The following CLSTN2 variants were observed in gnomAD, a reference collection of about 807,000 sequenced individuals.
CLSTN2 encodes the protein calsyntenin-2.
A neutral mutation model predicts 101.2 loss-of-function variants in CLSTN2; 48 were observed. The observed-to-expected ratio is 0.47, with a 90% CI of 0.38 to 0.60. The LOEUF is 0.60. Ranked by LOEUF, CLSTN2 falls within the 20% of genes least tolerant of loss-of-function variation. CLSTN2 has a pLI of 0.00. For synonymous variants in CLSTN2, 481 were observed against 463.6 expected (o/e 1.04, Z -0.48); for missense variants, 1,160 against 1,238.2 (o/e 0.94, Z 0.95).
chr3:140,257,234 A>C (rs1158240773), intron 2 of CLSTN2, among the ~76,000 whole-genome samples: 1 of 152,196 alleles, frequency 6.6e-6, no homozygotes, highest in Non-Finnish European at 1.5e-5. Flanking sequence ...TGCATGCTAC[A>C]TGTGGAAAAG....
intron 16 of CLSTN2, 104 bp downstream of exon 16, chr3:140,564,249 A>T: frequency 9.8e-7 from 1 of 1,017,918 alleles, no homozygotes; most frequent in Admixed American, 2.0e-5. Context: ...TCCTTCTGGA[A>T]GCCCTGCCCC....
chr3:140,558,844 C>A lies in CLSTN2; in HGVS notation c.2028C>A (p.Asp676Glu), dbSNP rs144701273. The A allele has an allele frequency of 5.6e-6, 9 of 1,613,682 alleles. No individual in the cohort carries two copies. Among genetic ancestry groups the A allele is most frequent in the Non-Finnish European group, 6.8e-6 (8 of 1,179,928 alleles). The change falls in exon 12 of 17, where the codon GAC becomes GAA. Residue 676 changes from aspartate to glutamate, a missense_variant. By Grantham distance (45) the Asp-to-Glu change is conservative. Transcript: ENST00000458420. Reference protein sequence around the residue: ...STFAKTEAPGDVKTTDPKSEV... With the variant: ...STFAKTEAPGEVKTTDPKSEV... ...TCGCCAAAACCGAAGCCCCCGGGGA[C>A]GTGAAAACCACAGGTACAGGTGCAT...
Position 140,466,603 on chromosome 3 carries a change from T to C in CLSTN2, c.1223-7T>C. The C allele has an allele frequency of 6.2e-7, 1 of 1,614,146 alleles. No individual in the cohort carries two copies. The highest frequency in any genetic ancestry group is 8.5e-7 in the Non-Finnish European group (1 of 1,179,998). ...CTCACTCTTCAAACCTTCTTTCTGC[T>C]TTTCAGAAATGAACCGGCATCACTA... is the stretch of plus-strand genomic sequence containing the variant. On this transcript the variant is annotated splice_polypyrimidine_tract_variant and splice_region_variant and intron_variant, in intron 7 of 16. Transcript: ENST00000458420.
At chr3:140,363,821 G>A (rs1403735605) in intron 2 of CLSTN2, among the ~76,000 whole-genome samples, 1 of 152,200 alleles carries the variant, frequency 6.6e-6, no homozygotes, top group South Asian at 2.1e-4. Flanking sequence ...GGGATGAATC[G>A]AGGAGGGGGA....
At chr3:140,457,024 G>T (rs1933418693) in intron 6 of CLSTN2, among the ~76,000 whole-genome samples, 1 of 152,038 alleles carries the variant, frequency 6.6e-6, no homozygotes, top group South Asian at 2.1e-4. Flanking sequence ...CTAGTCTAAG[G>T]TATTAATTGA....
intron 12 of CLSTN2, among the ~76,000 whole-genome samples, chr3:140,559,165 GAA>G (rs376876525): frequency 7.5e-6 from 1 of 132,724 alleles, no homozygotes; most frequent in African/African-American, 2.8e-5. Flanking sequence ...AACCATTTAA[GAA>G]AAAAAAAAAA....
chr3:140,262,929 C>T (rs2086666141), intron 2 of CLSTN2, among the ~76,000 whole-genome samples: 1 of 152,016 alleles, frequency 6.6e-6, no homozygotes, highest in Non-Finnish European at 1.5e-5. Context: ...ATGGAGGAAA[C>T]ACAAGGAGGA....
chr3:140,535,671 C>T (rs1935344646), intron 9 of CLSTN2, among the ~76,000 whole-genome samples: 1 of 152,196 alleles, frequency 6.6e-6, no homozygotes, highest in Non-Finnish European at 1.5e-5. Flanking sequence ...GCTGTAATTG[C>T]AAGGAGGCCC....
intron 2 of CLSTN2, among the ~76,000 whole-genome samples, chr3:140,267,648 C>T (rs1457283385): frequency 4.6e-5 from 7 of 152,178 alleles, no homozygotes; most frequent in Admixed American, 2.6e-4. Context: ...CTCTTTCAGA[C>T]ACAAGCCCAG....
intron 1 of CLSTN2, among the ~76,000 whole-genome samples, chr3:140,018,970 T>C (rs1160246460): frequency 1.3e-5 from 2 of 152,202 alleles, no homozygotes; most frequent in Admixed American, 1.3e-4. Context: ...TATGGGACCT[T>C]GACTCTGGGC....
intron 2 of CLSTN2, among the ~76,000 whole-genome samples, chr3:140,277,300 C>T (rs897589817): frequency 6.6e-6 from 1 of 152,158 alleles, no homozygotes; most frequent in African/African-American, 2.4e-5. Flanking sequence ...TGAGTTACTT[C>T]CCCTAAGGTC....
intron 1 of CLSTN2, among the ~76,000 whole-genome samples, chr3:140,108,074 C>T (rs772648436): frequency 2.6e-5 from 4 of 152,102 alleles, no homozygotes; most frequent in South Asian, 2.1e-4. Flanking sequence ...CTAGGAATGA[C>T]GTGTTCCTCT....
At chr3:140,544,200 A>T (rs138584338) in intron 9 of CLSTN2, among the ~76,000 whole-genome samples, 42 of 152,360 alleles carry the variant, frequency 2.8e-4, no homozygotes, top group African/African-American at 9.1e-4. Context: ...GACAGGAATA[A>T]ATGAGCTGAC....
At chr3:140,128,663 G>A (rs549707711) in intron 1 of CLSTN2, among the ~76,000 whole-genome samples, 4 of 152,282 alleles carry the variant, frequency 2.6e-5, no homozygotes, top group African/African-American at 9.6e-5. Flanking sequence ...GCATTACAGT[G>A]ATCCTACTGG....
intron 8 of CLSTN2, among the ~76,000 whole-genome samples, chr3:140,475,852 C>T (rs931399485): frequency 5.3e-5 from 8 of 152,076 alleles, no homozygotes; most frequent in South Asian, 4.2e-4. Context: ...TTAAAATCAG[C>T]GTTAAAAAGA....
rs866465851 is a variant in CLSTN2, at chr3:140,515,973, C to G, written c.1345-16351C>G. Among the ~76,000 whole-genome samples the G allele has an allele frequency of 1.8e-4, 25 of 142,054 alleles. 1 individual carries two copies. The Middle Eastern group carries it at 0.01, about 58-fold the overall frequency. 93.2% of individuals were successfully genotyped at this position (142,054 alleles called of 152,430 possible). ...ACTATTATTGTATTGCTGTCTATCT[C>G]ATTTCTTAGCTCTAGTAGTAATTGT... On this transcript the variant is annotated intron_variant, in intron 8 of 16. Transcript: ENST00000458420.
rs2010319206 is a variant in CLSTN2, at chr3:140,176,088, T to C, written c.232+15T>C. On this transcript the variant is annotated intron_variant, in intron 2 of 16. Transcript: ENST00000458420. ...TCCTTTTGCAGGTGAGATTATGGCT[T>C]CGTACGGCTGGGCCTGGCTCACTTT... 6.2e-7 allele frequency: 1 copy of C among 1,613,332 alleles called. No individual in the cohort carries two copies. The highest frequency in any genetic ancestry group is 8.5e-7 in the Non-Finnish European group (1 of 1,179,584).
intron 5 of CLSTN2, among the ~76,000 whole-genome samples, chr3:140,442,535 G>C (rs1442719848): frequency 2.0e-5 from 3 of 151,948 alleles, no homozygotes; most frequent in African/African-American, 7.3e-5. Context: ...CCAGTTGCAG[G>C]GTTAACACTC....
chr3:140,248,315 A>C (rs1208077639), intron 2 of CLSTN2, among the ~76,000 whole-genome samples: 1 of 152,250 alleles, frequency 6.6e-6, no homozygotes, highest in Non-Finnish European at 1.5e-5. Context: ...CACCAGGAAC[A>C]AGGAGCTTTC....
Sources: allele counts gnomAD v4.1 joint callset (sites outside exome capture counted in the v4.1 genomes callset), GRCh38; gene constraint gnomAD v4.1.1; transcripts MANE v1.5; gene names NCBI Gene and HGNC (gene_info 2026-07-23, HGNC 2026-07-21).